The following DMD variants were observed in gnomAD, a reference collection of about 807,000 sequenced individuals.
DMD encodes dystrophin, also known as mutant dystrophin.
A neutral mutation model predicts 330.1 loss-of-function variants in DMD; 63 were observed. The ratio of observed to expected loss-of-function variants is 0.19; its 90% CI spans 0.16 to 0.24. DMD has a LOEUF of 0.24. Among genes scored for constraint, DMD ranks in the 10% least tolerant of loss-of-function variants. DMD has a pLI of 1.00. For missense variants in DMD, 3,344 were observed against 2,684.1 expected (o/e 1.25, Z -5.43); for synonymous variants, 1,223 against 959.8 (o/e 1.27, Z -5.07).
At chrX:32,527,651 A>G (rs1459335611) in intron 17 of DMD, among the ~76,000 whole-genome samples, 1 of 111,501 alleles carries the variant, frequency 9.0e-6, no homozygotes, top group African/African-American at 3.3e-5. Context: ...TTATAAAAAT[A>G]TCAAATGAAA....
At chrX:32,091,465 T>C (rs1247275862) in intron 44 of DMD, among the ~76,000 whole-genome samples, 2 of 111,437 alleles carry the variant, frequency 1.8e-5, no homozygotes, top group Non-Finnish European at 3.8e-5. Context: ...AAACCAATGC[T>C]CTGGATAACA....
At chrX:31,548,324 T>C (rs769475596) in intron 55 of DMD, among the ~76,000 whole-genome samples, 1 of 111,574 alleles carries the variant, frequency 9.0e-6, no homozygotes, top group African/African-American at 3.3e-5. Context: ...TGCATTTTCA[T>C]AAGCTTGCCA....
chrX:31,481,092 C>G (rs976307701), intron 57 of DMD, among the ~76,000 whole-genome samples: 5 of 112,057 alleles, frequency 4.5e-5, no homozygotes, highest in Admixed American at 9.5e-5. Context: ...GCCAGTGTTT[C>G]TAGAGCATAA....
intron 50 of DMD, among the ~76,000 whole-genome samples, chrX:31,800,186 C>T (rs1414320296): frequency 1.8e-5 from 2 of 112,703 alleles, no homozygotes; most frequent in African/African-American, 3.2e-5. Flanking sequence ...GGAGCTCCGA[C>T]CCCACATTTT....
intron 52 of DMD, among the ~76,000 whole-genome samples, chrX:31,713,853 T>G (rs62589483): frequency 0.055 from 6,199 of 111,735 alleles, 356 homozygotes; most frequent in Admixed American, 0.26. Context: ...TGAATATACT[T>G]TTCAGTATTT....
chrX:31,187,761 G>C (rs868506269), intron 67 of DMD, among the ~76,000 whole-genome samples: 1 of 50,791 alleles, frequency 2.0e-5, no homozygotes, highest in South Asian at 8.5e-4. Flanking sequence ...GAGAGAGAGA[G>C]AGAGAGAGAG....
At chrX:32,997,115 T>C (rs772862605) in intron 2 of DMD, among the ~76,000 whole-genome samples, 3 of 111,510 alleles carry the variant, frequency 2.7e-5, no homozygotes, top group Non-Finnish European at 5.6e-5. Flanking sequence ...ATAGTGTACA[T>C]TGTACCTAAT....
intron 7 of DMD, among the ~76,000 whole-genome samples, chrX:32,736,618 G>A (rs2068522688): frequency 9.1e-6 from 1 of 110,445 alleles, no homozygotes; most frequent in Non-Finnish European, 1.9e-5. Flanking sequence ...CCTTTGTAGG[G>A]ACATGGATGA....
intron 44 of DMD, among the ~76,000 whole-genome samples, chrX:32,196,940 C>T (rs1004116789): frequency 1.0e-5 from 1 of 97,793 alleles, no homozygotes; most frequent in Non-Finnish European, 2.0e-5. Flanking sequence ...GAGCCAAGAT[C>T]GCGCCACTGT....
intron 44 of DMD, among the ~76,000 whole-genome samples, chrX:32,216,468 T>G (rs2097112646): frequency 8.9e-6 from 1 of 112,080 alleles, no homozygotes; most frequent in Non-Finnish European, 1.9e-5. Context: ...TATATAGAAA[T>G]ATTGCTACAG....
intron 2 of DMD, among the ~76,000 whole-genome samples, chrX:32,964,818 A>G (rs962464867): frequency 2.7e-5 from 3 of 112,483 alleles, no homozygotes; most frequent in Non-Finnish European, 3.8e-5. Flanking sequence ...TAATGAAATA[A>G]TCAATCAAAA....
At chrX:33,103,555 C>T (rs1466818195) in intron 1 of DMD, among the ~76,000 whole-genome samples, 2 of 110,652 alleles carry the variant, frequency 1.8e-5, no homozygotes, top group Non-Finnish European at 3.8e-5. Context: ...AGAACAACCC[C>T]TCTTTGTAAT....
At position 31,496,900 on chromosome X, in the gene DMD, A is replaced by G; in HGVS notation, c.8435T>C (p.Leu2812Pro). 1 of 1,211,032 alleles carries G rather than the reference A, an allele frequency of 8.3e-7. No homozygotes were observed. The highest frequency in any genetic ancestry group is 1.7e-5 in the African/African-American group (1 of 57,889). Residue 2812 changes from leucine to proline, a missense_variant, in exon 57 of 79, where the codon CTT (leucine) becomes CCT (proline). Physicochemically the swap from Leu to Pro is moderately conservative, Grantham distance 98 (BLOSUM62 -3). Coordinates refer to ENST00000357033, the MANE Select transcript of DMD (RefSeq NM_004006.3). ...CCACACCAGAAGTTCCTGCAGAGAA[A>G]GGTGCAGACGCTTCCACTGGTCAGA... ...ASSDQWKRLH[L>P]SLQELLVWLQ...
intron 7 of DMD, among the ~76,000 whole-genome samples, chrX:32,740,752 G>A (rs1295618537): frequency 1.8e-5 from 2 of 111,134 alleles, no homozygotes; most frequent in Non-Finnish European, 3.8e-5. Context: ...GTATCCATGT[G>A]TAGGACACTG....
chrX:32,306,046 G>GTT (rs369351099), intron 42 of DMD, among the ~76,000 whole-genome samples: 5 of 99,443 alleles, frequency 5.0e-5, no homozygotes, highest in African/African-American at 1.5e-4. Context: ...ACAGATTCTG[G>GTT]TTTTTTTTTT....
chrX:31,763,405 T>TA (rs1376003227), intron 51 of DMD, among the ~76,000 whole-genome samples: 2 of 110,291 alleles, frequency 1.8e-5, no homozygotes, highest in Admixed American at 9.6e-5. Context: ...CTACTAAAAA[T>TA]AAAAAAAATT....
chrX:32,868,743 T>C (rs2082715736), intron 2 of DMD, among the ~76,000 whole-genome samples: 2 of 112,090 alleles, frequency 1.8e-5, no homozygotes, highest in South Asian at 7.3e-4. Context: ...GGGAAAGAAC[T>C]CCGATTCCCC....
intron 2 of DMD, among the ~76,000 whole-genome samples, chrX:32,933,293 G>T (rs1569543652): frequency 9.0e-6 from 1 of 111,506 alleles, no homozygotes; most frequent in Admixed American, 9.6e-5. Context: ...CCTACTAAGG[G>T]AGTAAACAGG....
intron 47 of DMD, among the ~76,000 whole-genome samples, chrX:31,914,160 G>C (rs2094580295): frequency 8.9e-6 from 1 of 111,932 alleles, no homozygotes; most frequent in Non-Finnish European, 1.9e-5. Flanking sequence ...GGTGTGGAGA[G>C]GGAGAGAAGT....
Sources: gnomAD v4.1 joint callset for allele counts (sites outside exome capture counted in the v4.1 genomes callset) on GRCh38, gnomAD v4.1.1 for gene constraint, MANE v1.5 for transcripts, NCBI Gene and HGNC (gene_info 2026-07-23, HGNC 2026-07-21) for gene names.